DMGDH: variants seen among roughly 807,000 people sequenced by gnomAD.
The protein encoded by DMGDH is dimethylglycine dehydrogenase, also known as dimethylglycine dehydrogenase, mitochondrial.
A neutral mutation model predicts 95.2 loss-of-function variants in DMGDH; 76 were observed. That is an observed-to-expected ratio of 0.80 (90% CI 0.66 to 0.97). DMGDH has a LOEUF of 0.97. DMGDH is among the 50% of genes least tolerant of loss of function. The probability of loss-of-function intolerance (pLI) is 0.00; values close to 1 mark genes in which losing one functional copy is unlikely to be tolerated. For missense variants in DMGDH, 987 were observed against 1,055.0 expected (o/e 0.94, Z 0.89); for synonymous variants, 345 against 377.6 (o/e 0.91, Z 1.00).
chr5:79,053,966 G>A (rs1007369242), intron 4 of DMGDH, among the ~76,000 whole-genome samples: 1 of 152,048 alleles, frequency 6.6e-6, no homozygotes, highest in African/African-American at 2.4e-5. Context: ...AATTGTCAAA[G>A]GTGAAAAACT....
rs1754963321 is a variant in DMGDH at position 79,054,408 on chromosome 5, G to T, written c.376-60C>A. The T allele has an allele frequency of 9.8e-6, 15 of 1,524,234 alleles. No homozygotes were observed. The South Asian group carries it at 1.6e-4, about 16-fold the overall frequency. 94.4% of individuals were successfully genotyped at this position (1,524,234 alleles called of 1,614,324 possible). ...AGTCATTGTTTGGTACTCAAACATGGTTCTGCTCCAGTATAATGAAAATGC... is the reference window on the plus strand; with the variant it reads ...AGTCATTGTTTGGTACTCAAACATGTTTCTGCTCCAGTATAATGAAAATGC... On this transcript the variant is annotated intron_variant, in intron 3 of 15. Transcript: ENST00000255189.
At chr5:79,031,084 A>G in intron 9 of DMGDH, 86 bp from the exon 10 acceptor site, 1 of 1,467,996 alleles carries the variant, frequency 6.8e-7, no homozygotes, top group Non-Finnish European at 9.4e-7. Context: ...AGCCCTACTC[A>G]TCTAGAAAAT....
intron 14 of DMGDH, among the ~76,000 whole-genome samples, chr5:79,022,071 G>T (rs778019733): frequency 6.6e-6 from 1 of 152,110 alleles, no homozygotes; most frequent in Non-Finnish European, 1.5e-5. Flanking sequence ...AATGCCTAAG[G>T]GCCAACCAGA....
chr5:79,059,415 T>A, intron 2 of DMGDH, among the ~76,000 whole-genome samples: 1 of 152,226 alleles, frequency 6.6e-6, no homozygotes, highest in East Asian at 1.9e-4. Context: ...TTCCTCTACC[T>A]CAGTCAACAC....
chr5:79,016,290 A>G (rs1022428737), intron 14 of DMGDH, among the ~76,000 whole-genome samples: 87 of 152,008 alleles, frequency 5.7e-4, no homozygotes, highest in Non-Finnish European at 7.4e-5. Context: ...CCAAATTAGA[A>G]AAGACAAAGA....
At chr5:79,013,218 C>CTAAA (rs529876338) in intron 14 of DMGDH, among the ~76,000 whole-genome samples, 11 of 151,982 alleles carry the variant, frequency 7.2e-5, no homozygotes, top group Non-Finnish European at 1.5e-4. Context: ...ACTAGATACT[C>CTAAA]TAAATCATCA....
At chr5:79,027,169 G>T (rs1381238743) in intron 12 of DMGDH, among the ~76,000 whole-genome samples, 1 of 152,046 alleles carries the variant, frequency 6.6e-6, no homozygotes, top group African/African-American at 2.4e-5. Flanking sequence ...GCTTATTTTT[G>T]TGTTCTTGTT....
intron 6 of DMGDH, 62 bp downstream of exon 6, chr5:79,044,242 A>C (rs1754600607): frequency 6.2e-7 from 1 of 1,608,670 alleles, no homozygotes; most frequent in Admixed American, 1.7e-5. Flanking sequence ...GCCATCCTCC[A>C]GCCATGGAGA....
At chr5:79,061,251 ACAC>A (rs1561231410) in intron 2 of DMGDH, among the ~76,000 whole-genome samples, 5 of 144,436 alleles carry the variant, frequency 3.5e-5, no homozygotes, top group Non-Finnish European at 4.4e-5. Flanking sequence ...ACACACACAC[ACAC>A]ACACACACAC....
chr5:78,998,427 GA>G (rs1394087274), intron 15 of DMGDH, 130 bp from the exon 16 acceptor site: 19 of 800,702 alleles, frequency 2.4e-5, no homozygotes, highest in Admixed American at 4.1e-5. Context: ...TGTCTGGGGG[GA>G]CAACGCCAGA....
Position 79,026,409 on chromosome 5 carries a change from GC to G in DMGDH, c.2190+14del. The G allele has an allele frequency of 2.5e-6, 4 of 1,614,024 alleles. No homozygotes were observed. Among genetic ancestry groups the G allele is most frequent in the Non-Finnish European group, 3.4e-6 (4 of 1,179,940 alleles). On this transcript the variant is annotated intron_variant, in intron 13 of 15. Transcript: ENST00000255189. Reference sequence around the variant, plus strand: ...ATAAACATAAAATGTTAATAAAGATGCTAGCATTTCAAACCTCTAACCCCCA... The same window carrying G: ...ATAAACATAAAATGTTAATAAAGATGTAGCATTTCAAACCTCTAACCCCCA...
intron 14 of DMGDH, among the ~76,000 whole-genome samples, chr5:79,016,315 A>C (rs1212247386): frequency 6.6e-6 from 1 of 151,710 alleles, no homozygotes; most frequent in Admixed American, 6.6e-5. Context: ...CTTTATTTTT[A>C]TACAACATGA....
At chr5:79,025,326 G>C (rs1753969622) in intron 13 of DMGDH, among the ~76,000 whole-genome samples, 1 of 152,120 alleles carries the variant, frequency 6.6e-6, no homozygotes, top group South Asian at 2.1e-4. Context: ...AGAGTGTGGG[G>C]ACCGCGCTGT....
intron 14 of DMGDH, among the ~76,000 whole-genome samples, chr5:79,012,076 ATC>A (rs1216888700): frequency 1.3e-5 from 2 of 152,212 alleles, no homozygotes; most frequent in Non-Finnish European, 2.9e-5. Flanking sequence ...CCAAAGTCTC[ATC>A]TGAGACAAGG....
intron 15 of DMGDH, among the ~76,000 whole-genome samples, chr5:78,999,224 C>T (rs1289548609): frequency 1.3e-5 from 2 of 152,230 alleles, no homozygotes; most frequent in African/African-American, 2.4e-5. Context: ...ATTTTAGATG[C>T]TAACACATTC....
chr5:79,000,943 T>C (rs1261718386), intron 15 of DMGDH: 2 of 676,676 alleles, frequency 3.0e-6, no homozygotes, highest in East Asian at 2.5e-5. Context: ...GGGTCCTCAT[T>C]TGGCAGCATC....
Position 78,998,371 on chromosome 5 carries a change from A to G in DMGDH, c.2386-74T>C, listed in dbSNP as rs563991773. 6 of 1,412,622 alleles carry G rather than the reference A, an allele frequency of 4.2e-6. No individual in the cohort carries two copies. The African/African-American group carries it at 5.7e-5, about 13-fold the overall frequency. 87.5% of individuals were successfully genotyped at this position (1,412,622 alleles called of 1,614,324 possible). ...GCTCCTCATCTCTGGGTGAAAAAAAACTAAAATACAGATTCAACTTACAAA... is the reference window on the plus strand; with the variant it reads ...GCTCCTCATCTCTGGGTGAAAAAAAGCTAAAATACAGATTCAACTTACAAA... On this transcript the variant is annotated intron_variant, in intron 15 of 15. Transcript: ENST00000255189.
rs1408752250 is a variant in DMGDH, at chr5:79,054,203, G to A, written c.521C>T (p.Pro174Leu). The change falls in exon 4 of 16, where the codon CCT becomes CTT. Residue 174 changes from proline (P) to leucine (L), a missense_variant. Physicochemically the swap from Pro to Leu is moderately conservative, Grantham distance 98. Coordinates refer to ENST00000255189, the MANE Select transcript of DMGDH (RefSeq NM_013391.3). ...AAATACCTTATTCATGTTGAGTAAA[G>A]GGAACATCTCTTGAATTTTTTCAGG... Reference protein sequence around the residue: ...IEPEKIQEMFPLLNMNKVLAG... With the variant: ...IEPEKIQEMFLLLNMNKVLAG... 8.1e-6 allele frequency: 13 copies of A among 1,613,926 alleles called. No homozygotes were observed. In the East Asian group the frequency reaches 2.9e-4, roughly 36 times the overall value.
At chr5:79,042,850 T>C (rs773644241) in intron 6 of DMGDH, among the ~76,000 whole-genome samples, 11 of 152,154 alleles carry the variant, frequency 7.2e-5, no homozygotes, top group South Asian at 2.1e-4. Context: ...TTTCATCCCC[T>C]GAGATGAGGG....
Sources: gnomAD v4.1 joint callset for allele counts (sites outside exome capture counted in the v4.1 genomes callset) on GRCh38, gnomAD v4.1.1 for gene constraint, MANE v1.5 for transcripts, NCBI Gene and HGNC (gene_info 2026-07-23, HGNC 2026-07-21) for gene names.